The following CHD6 variants were observed in gnomAD, a reference collection of about 807,000 sequenced individuals.
CHD6 encodes the protein chromodomain helicase DNA binding protein 6.
A neutral mutation model predicts 276.9 loss-of-function variants in CHD6; 50 were observed. The ratio of observed to expected loss-of-function variants is 0.18; its 90% CI spans 0.14 to 0.23. The LOEUF is 0.23. Ranked by LOEUF, CHD6 falls within the 10% of genes least tolerant of loss-of-function variation. The pLI is 1.00. For missense variants in CHD6, 2,564 were observed against 3,365.8 expected, an observed-to-expected ratio of 0.76 and a Z score of 5.89; for synonymous variants, 1,173 against 1,229.3, an observed-to-expected ratio of 0.95 and a Z score of 0.96.
At chr20:41,460,448 A>G (rs1337816834) in intron 17 of CHD6, among the ~76,000 whole-genome samples, 1 of 152,158 alleles carries the variant, frequency 6.6e-6, no homozygotes, top group Non-Finnish European at 1.5e-5. Context: ...CTAGGAGGAA[A>G]AAGTGGTTTT....
chr20:41,574,582 C>T lies in CHD6; in HGVS notation c.-23-23222G>A, dbSNP rs545771186. On this transcript the variant is annotated intron_variant, in intron 1 of 36. Transcript: ENST00000373233. ...TCAAGTCAAACCTTATGATGAAATA[C>T]TAAAGGCACTCCTGTTAACAAGTTG... Among the ~76,000 whole-genome samples, 15 of 152,258 alleles carry T rather than the reference C, an allele frequency of 9.9e-5. No homozygotes were observed. In the East Asian group the frequency reaches 2.9e-3, roughly 29 times the overall value.
Position 41,516,403 on chromosome 20 carries a change from A to C in CHD6, c.555-1451T>G, listed in dbSNP as rs147270660. ...TGGCCAGGCTGGTCTAAAACTCCTG[A>C]CCTCAAATGATCTGCCTGCCTCAGC... On this transcript the variant is annotated intron_variant, in intron 3 of 36. Transcript: ENST00000373233. 2.9e-3 allele frequency among the ~76,000 whole-genome samples: 439 copies of C among 152,102 alleles called. 2 individuals carry two copies. The highest frequency in any genetic ancestry group is 9.8e-3 in the African/African-American group (406 of 41,470).
At position 41,438,387 on chromosome 20, in the gene CHD6, C is replaced by T. The variant is rs1189543293; in HGVS notation, c.4008-1053G>A. On this transcript the variant is annotated intron_variant, in intron 26 of 36. Transcript: ENST00000373233. The stretch of plus-strand genomic sequence containing the variant: ...GGCGGATCACCTGAGGTCAGGAGTT[C>T]GAGACCAGCCTGGCCAACATGGTGA... 3.3e-5 allele frequency among the ~76,000 whole-genome samples: 5 copies of T among 151,942 alleles called. No homozygotes were observed. The South Asian group carries it at 6.2e-4, about 19-fold the overall frequency.
chr20:41,410,125 A>G (rs1442732574), intron 36 of CHD6, among the ~76,000 whole-genome samples: 2 of 152,168 alleles, frequency 1.3e-5, no homozygotes, highest in Non-Finnish European at 2.9e-5. Context: ...ATTTAAATCT[A>G]TTTCTAAAAA....
intron 3 of CHD6, among the ~76,000 whole-genome samples, chr20:41,522,649 C>T (rs181462825): frequency 2.6e-5 from 4 of 151,806 alleles, no homozygotes; most frequent in East Asian, 1.9e-4. Flanking sequence ...CATGCGCGCA[C>T]GCGTGCGCGC....
chr20:41,479,137 TAAAAG>T (rs963752882), intron 16 of CHD6, among the ~76,000 whole-genome samples: 3 of 151,512 alleles, frequency 2.0e-5, no homozygotes, highest in African/African-American at 7.3e-5. Context: ...TGAAGACAGA[TAAAAG>T]AGAGAGAAAA....
intron 2 of CHD6, among the ~76,000 whole-genome samples, chr20:41,549,812 A>G (rs1452744802): frequency 6.6e-6 from 1 of 152,040 alleles, no homozygotes; most frequent in Non-Finnish European, 1.5e-5. Flanking sequence ...TCAGTAATGT[A>G]TTCTTTGAGA....
chr20:41,406,354 T>C (rs2145361517), intron 36 of CHD6, among the ~76,000 whole-genome samples: 1 of 152,346 alleles, frequency 6.6e-6, no homozygotes, highest in East Asian at 1.9e-4. Flanking sequence ...TGGACCACAC[T>C]GTGACAGGAC....
rs140798480 is a variant in CHD6 at position 41,514,318 on chromosome 20, T to C, written c.702+487A>G. Among the ~76,000 whole-genome samples the C allele has an allele frequency of 6.4e-3, 977 of 152,316 alleles. 11 individuals are homozygous for C. The highest frequency in any genetic ancestry group is 0.024 in the Middle Eastern group (7 of 294). On this transcript the variant is annotated intron_variant, in intron 4 of 36. Coordinates refer to ENST00000373233, the MANE Select transcript of CHD6 (RefSeq NM_032221.5). ...AATCCCTAACACTGTCACGGGCACATTTTGGTATATTTTCAGGAATCTGGT... is the reference window on the plus strand; with the variant it reads ...AATCCCTAACACTGTCACGGGCACACTTTGGTATATTTTCAGGAATCTGGT...
chr20:41,478,981 A>C (rs995686228), intron 16 of CHD6, among the ~76,000 whole-genome samples: 3 of 151,366 alleles, frequency 2.0e-5, no homozygotes, highest in Non-Finnish European at 4.4e-5. Context: ...AGGAATGTTA[A>C]GTAATGAATA....
intron 3 of CHD6, among the ~76,000 whole-genome samples, chr20:41,521,710 C>T (rs1460903217): frequency 6.6e-6 from 1 of 152,168 alleles, no homozygotes; most frequent in Non-Finnish European, 1.5e-5. Flanking sequence ...GTGTTTAACA[C>T]TGAAGCTCCT....
At chr20:41,489,153 A>G (rs1200829399) in intron 12 of CHD6, among the ~76,000 whole-genome samples, 1 of 152,150 alleles carries the variant, frequency 6.6e-6, no homozygotes, top group African/African-American at 2.4e-5. Flanking sequence ...ATCATGTTAG[A>G]GCACTTCTTA....
intron 14 of CHD6, among the ~76,000 whole-genome samples, chr20:41,486,385 G>A (rs2043414890): frequency 6.6e-6 from 1 of 152,226 alleles, no homozygotes. Flanking sequence ...TGCAATGGGA[G>A]AAGAGGATGC....
chr20:41,503,848 T>A (rs923718834), intron 5 of CHD6, among the ~76,000 whole-genome samples: 1 of 151,912 alleles, frequency 6.6e-6, no homozygotes, highest in East Asian at 1.9e-4. Context: ...GAGGCCGAAG[T>A]GGGTGGATCA....
chr20:41,558,017 T>C (rs765635590), intron 1 of CHD6, among the ~76,000 whole-genome samples: 1 of 151,236 alleles, frequency 6.6e-6, no homozygotes. Context: ...CTGGGAAGAG[T>C]GAGATAATCA....
intron 4 of CHD6, among the ~76,000 whole-genome samples, chr20:41,514,521 T>C (rs1291476891): frequency 6.6e-6 from 1 of 152,194 alleles, no homozygotes; most frequent in African/African-American, 2.4e-5. Context: ...TTACCTAGCT[T>C]GGCTCACAAC....
rs74740314 is a variant in CHD6 at position 41,413,491 on chromosome 20, C to A, written c.6964G>T (p.Ala2322Ser). The A allele has an allele frequency of 6.3e-7, 1 of 1,591,824 alleles. No individual in the cohort carries two copies. The highest frequency in any genetic ancestry group is 1.1e-5 in the South Asian group (1 of 88,126). The change falls in exon 35 of 37, where the codon GCC becomes TCC. Residue 2322 changes from alanine to serine, a missense_variant. Physicochemically the swap from Ala to Ser is moderately conservative, Grantham distance 99 (BLOSUM62 1). Coordinates refer to ENST00000373233, the MANE Select transcript of CHD6 (RefSeq NM_032221.5). ...TCAGGGTGTGTGGTGCTCAAGGTGGCCTGCCCTGGGTCTTCATGGACTTCC... is the reference window on the plus strand; with the variant it reads ...TCAGGGTGTGTGGTGCTCAAGGTGGACTGCCCTGGGTCTTCATGGACTTCC... ...ILEVHEDPGQ[A>S]TLSTTHPEGP...
intron 34 of CHD6, 96 bp from the exon 35 acceptor site, chr20:41,413,611 C>T: frequency 1.9e-6 from 2 of 1,037,044 alleles, no homozygotes; most frequent in Non-Finnish European, 2.7e-6. Flanking sequence ...AATCACTCCA[C>T]CTATTTCCAC....
chr20:41,596,576 A>G (rs977699588), intron 1 of CHD6, among the ~76,000 whole-genome samples: 3 of 149,782 alleles, frequency 2.0e-5, no homozygotes, highest in African/African-American at 7.4e-5. Context: ...CAATGGGATA[A>G]TAACAATGCA....
Sources: allele counts gnomAD v4.1 joint callset (sites outside exome capture counted in the v4.1 genomes callset), GRCh38; gene constraint gnomAD v4.1.1; transcripts MANE v1.5; gene names NCBI Gene and HGNC (gene_info 2026-07-23, HGNC 2026-07-21).